Variants in GLIS3 observed in about 807,000 individuals in gnomAD.
GLIS3 encodes zinc finger protein GLIS3.
Under a neutral mutation model 78.6 loss-of-function variants are expected in GLIS3, and 53 were observed. The ratio of observed to expected loss-of-function variants is 0.67; its 90% CI spans 0.54 to 0.85. GLIS3 has a LOEUF of 0.85. Ranked by LOEUF, GLIS3 falls within the 40% of genes least tolerant of loss-of-function variation. GLIS3 has a pLI of 0.00. For missense variants in GLIS3, 1,703 were observed against 1,231.1 expected (o/e 1.38, Z -5.74); for synonymous variants, 684 against 509.9 (o/e 1.34, Z -4.60).
chr9:4,283,027 T>C (rs920150841), intron 2 of GLIS3, among the ~76,000 whole-genome samples: 2 of 151,784 alleles, frequency 1.3e-5, no homozygotes, highest in Non-Finnish European at 2.9e-5. Context: ...TTGAGTGCAT[T>C]TTTCTCCCTT....
intron 4 of GLIS3, among the ~76,000 whole-genome samples, chr9:3,984,424 G>T (rs925847795): frequency 1.6e-4 from 24 of 152,310 alleles, no homozygotes; most frequent in Middle Eastern, 3.4e-3. Context: ...AGATTTGACT[G>T]CCCCGCTGGA....
intron 4 of GLIS3, among the ~76,000 whole-genome samples, chr9:3,990,939 T>C (rs1435402385): frequency 6.6e-6 from 1 of 152,172 alleles, no homozygotes; most frequent in Non-Finnish European, 1.5e-5. Context: ...AGGGGTTCTT[T>C]GAAATACGGA....
chr9:3,916,680 T>C (rs372316272), intron 6 of GLIS3, among the ~76,000 whole-genome samples: 61 of 152,328 alleles, frequency 4.0e-4, no homozygotes, highest in African/African-American at 1.4e-3. Flanking sequence ...ACACTTACTC[T>C]TTACTGCATT....
chr9:4,375,559 C>G, the GLIS3 span, among the ~76,000 whole-genome samples: 1 of 152,066 alleles, frequency 6.6e-6, no homozygotes, highest in African/African-American at 2.4e-5. Flanking sequence ...TTGTGGCTAA[C>G]AAAAGATAAT....
At chr9:4,481,022 T>A in the GLIS3 span, among the ~76,000 whole-genome samples, 19 of 152,006 alleles carry the variant, frequency 1.2e-4, no homozygotes, top group African/African-American at 4.6e-4. Context: ...ACCTGGCTAA[T>A]TTTTTGTATT....
Position 4,118,634 on chromosome 9 carries a change from G to T in GLIS3, c.844C>A (p.Pro282Thr), listed in dbSNP as rs143051164. The T allele has an allele frequency of 1.9e-6, 3 of 1,614,206 alleles. No homozygotes were observed. The African/African-American group carries it at 4.0e-5, about 22-fold the overall frequency. Residue 282 changes from proline to threonine, a missense_variant, in exon 4 of 11, where the codon CCT (proline) becomes ACT (threonine). Pro to Thr is a conservative substitution (Grantham distance 38). Coordinates refer to ENST00000381971, the MANE Select transcript of GLIS3 (RefSeq NM_001042413.2). This position sits in a 1 kb window ranked among gnomAD's most constrained non-coding sequence, Gnocchi z 4.7. ...YLFGTESSHS[P>T]YPSPRHSSTR... is the part of the protein sequence containing the mutation. ...GATGAGTGCCGAGGACTAGGGTAAG[G>T]AGAGTGGCTACTTTCCGTGCCAAAA...
intron 2 of GLIS3, among the ~76,000 whole-genome samples, chr9:4,186,231 G>A (rs138427231): frequency 7.0e-6 from 1 of 143,096 alleles, no homozygotes; most frequent in African/African-American, 2.6e-5. Flanking sequence ...TCTCACCTAT[G>A]AGTGAGAACA....
chr9:4,143,010 A>C (rs992538807), intron 2 of GLIS3, among the ~76,000 whole-genome samples: 2 of 152,102 alleles, frequency 1.3e-5, no homozygotes, highest in Non-Finnish European at 2.9e-5. Flanking sequence ...TAGTTAGCCA[A>C]ACCTACTCTC....
intron 8 of GLIS3, among the ~76,000 whole-genome samples, chr9:3,870,092 C>T (rs901446426): frequency 6.6e-6 from 1 of 152,320 alleles, no homozygotes; most frequent in Admixed American, 6.5e-5. Context: ...AAGAACTTTA[C>T]AGAATTGCAA....
intron 2 of GLIS3, among the ~76,000 whole-genome samples, chr9:4,157,036 G>A (rs1302442980): frequency 6.6e-6 from 1 of 152,178 alleles, no homozygotes; most frequent in Non-Finnish European, 1.5e-5. Context: ...ATCTGTCACA[G>A]TCCCTGTAAC....
At chr9:4,310,499 C>A (rs989546012) in exon 3 of GLIS3, 9 of 152,204 alleles carry the variant, frequency 5.9e-5, no homozygotes, top group African/African-American at 2.2e-4. Context: ...AGAAGAGTCA[C>A]TGCCGATTTT....
Position 4,331,874 on chromosome 9 carries a change from G to C in GLIS3, n.264+15207C>G, listed in dbSNP as rs57903073. 5.3e-5 allele frequency among the ~76,000 whole-genome samples: 8 copies of C among 152,150 alleles called. No homozygotes were observed. In the East Asian group the frequency reaches 1.6e-3, roughly 29 times the overall value. On this transcript the variant is annotated intron_variant and non_coding_transcript_variant, in intron 2 of 4. Transcript: ENST00000471664. ...AAGGCCCAGAAACAAGAGAAAATAT[G>C]ATTTATTACAGGAACAAAAAGAAAT... is the stretch of plus-strand genomic sequence containing the variant.
At chr9:4,146,553 C>G (rs1480433777) in intron 2 of GLIS3, among the ~76,000 whole-genome samples, 2 of 152,100 alleles carry the variant, frequency 1.3e-5, no homozygotes, top group Non-Finnish European at 2.9e-5. Context: ...GCAATCTTCC[C>G]AAGTATGTGC....
chr9:3,947,796 C>G (rs1816400707), intron 4 of GLIS3, among the ~76,000 whole-genome samples: 1 of 152,190 alleles, frequency 6.6e-6, no homozygotes, highest in East Asian at 1.9e-4. Context: ...TAAGCCTTTT[C>G]ACTTTCAAAT....
intron 8 of GLIS3, among the ~76,000 whole-genome samples, chr9:3,863,026 G>T (rs942904505): frequency 1.3e-5 from 2 of 152,022 alleles, no homozygotes; most frequent in African/African-American, 4.8e-5. Flanking sequence ...ACTGCAGAGG[G>T]GGAAGAAAGG....
At chr9:4,397,849 T>C in the GLIS3 span, among the ~76,000 whole-genome samples, 9 of 151,812 alleles carry the variant, frequency 5.9e-5, no homozygotes, top group African/African-American at 2.2e-4. Flanking sequence ...AAAGTATTCC[T>C]TGGATGGGAT....
At chr9:4,101,469 A>G (rs1830365767) in intron 4 of GLIS3, among the ~76,000 whole-genome samples, 1 of 152,198 alleles carries the variant, frequency 6.6e-6, no homozygotes, top group African/African-American at 2.4e-5. Flanking sequence ...AGCTGTTATC[A>G]TTTGTCAGTG....
At chr9:4,273,846 A>T (rs925652431) in intron 2 of GLIS3, among the ~76,000 whole-genome samples, 1 of 152,040 alleles carries the variant, frequency 6.6e-6, no homozygotes, top group African/African-American at 2.4e-5. Flanking sequence ...CCAAATTTCC[A>T]AATGCTCCTA....
the GLIS3 span, among the ~76,000 whole-genome samples, chr9:4,395,851 G>C: frequency 1.4e-5 from 2 of 147,538 alleles, no homozygotes; most frequent in Non-Finnish European, 3.0e-5. Flanking sequence ...TTGGCTCACT[G>C]CAACCTTCGA....
Sources: gnomAD v4.1 joint callset for allele counts (sites outside exome capture counted in the v4.1 genomes callset) on GRCh38, gnomAD v4.1.1 for gene constraint, Gnocchi (gnomAD v3.1) non-coding constraint, MANE v1.5 for transcripts, NCBI Gene and HGNC (gene_info 2026-07-23, HGNC 2026-07-21) for gene names.